Variants in MOV10L1 observed in about 807,000 individuals in gnomAD.
The protein encoded by MOV10L1 is RNA helicase Mov10l1.
A neutral mutation model predicts 143.8 loss-of-function variants in MOV10L1; 110 were observed. The observed-to-expected ratio is 0.76, with a 90% CI of 0.66 to 0.90. The LOEUF is 0.90. Ranked by LOEUF, MOV10L1 falls within the 40% of genes least tolerant of loss-of-function variation. The pLI, the probability that MOV10L1 is intolerant of heterozygous loss-of-function variation, is 0.00. For missense variants in MOV10L1, 1,406 were observed against 1,526.8 expected, an observed-to-expected ratio of 0.92 and a Z score of 1.32; for synonymous variants, 593 against 581.1, an observed-to-expected ratio of 1.02 and a Z score of -0.29.
At chr22:50,090,587 G>A (rs1335842803) in intron 1 of MOV10L1, 20 of 1,530,886 alleles carry the variant, frequency 1.3e-5, no homozygotes, top group South Asian at 2.4e-5. Context: ...GCGCCAAGGC[G>A]TGCCATTTCC....
At chr22:50,121,885 T>C (rs2062357184) in intron 10 of MOV10L1, among the ~76,000 whole-genome samples, 1 of 152,230 alleles carries the variant, frequency 6.6e-6, no homozygotes, top group South Asian at 2.1e-4. Context: ...TTTGGCAGAA[T>C]TTATTTTGCT....
Position 50,125,553 on chromosome 22 carries a change from G to T in MOV10L1, c.1731G>T (p.Arg577Ser), listed in dbSNP as rs1213146887. ...AGGTCCCAGGGTTGGCCGAAGGGAG[G>T]CCTTCTCTCTACGCAGGTGTGTTTG... ...VLEVPGLAEG[R>S]PSLYAGDKLI... The change falls in exon 11 of 27, where the codon AGG becomes AGT. Residue 577 changes from arginine (R) to serine (S), a missense_variant. Around this residue, in one of 3 missense-constraint regions of MOV10L1, gnomAD observed 1,233 missense variants for 1,351.4 expected, o/e 0.91. Transcript: ENST00000262794. The T allele has an allele frequency of 5.0e-6, 8 of 1,614,002 alleles. No individual in the cohort carries two copies. The South Asian group carries it at 7.7e-5, about 16-fold the overall frequency.
chr22:50,108,299 CA>C (rs2061928743), intron 4 of MOV10L1, 51 bp downstream of exon 4: 30 of 1,513,704 alleles, frequency 2.0e-5, no homozygotes, highest in Non-Finnish European at 2.5e-5. Context: ...GACCTGCCAT[CA>C]GGGGTAACTT....
chr22:50,105,194 T>C (rs2061838399), intron 3 of MOV10L1, among the ~76,000 whole-genome samples: 1 of 152,236 alleles, frequency 6.6e-6, no homozygotes, highest in African/African-American at 2.4e-5. Flanking sequence ...AATTCTGTAT[T>C]TTTTTCTATT....
At chr22:50,111,046 C>G (rs1415554646) in intron 5 of MOV10L1, among the ~76,000 whole-genome samples, 1 of 152,178 alleles carries the variant, frequency 6.6e-6, no homozygotes, top group East Asian at 1.9e-4. Context: ...CTGACCCACC[C>G]CCTCCCTGCC....
At chr22:50,150,662 A>T (rs2063273731) in intron 20 of MOV10L1, 73 bp from the exon 21 acceptor site, 3 of 1,544,586 alleles carry the variant, frequency 1.9e-6, no homozygotes, top group South Asian at 2.4e-5. Context: ...GCACAGCCCC[A>T]TTCCCACCTG....
Position 50,090,307 on chromosome 22 carries a change from T to G in MOV10L1, c.97+122T>G, listed in dbSNP as rs996943197. On this transcript the variant is annotated intron_variant, in intron 1 of 26. Coordinates refer to ENST00000262794, the MANE Select transcript of MOV10L1 (RefSeq NM_018995.3). ...GGCAGGCAACGCTGGGCCCGGCCTT[T>G]CCTCATCTCCGCTGGCGGGGATCCC... 17 of 1,459,404 alleles carry G rather than the reference T, an allele frequency of 1.2e-5. No individual in the cohort carries two copies. In the East Asian group the frequency reaches 2.2e-4, roughly 19 times the overall value. 90.4% of individuals were successfully genotyped at this position (1,459,404 alleles called of 1,614,324 possible).
intron 6 of MOV10L1, 78 bp downstream of exon 6, chr22:50,113,866 C>G (rs572639226): frequency 4.0e-6 from 5 of 1,258,188 alleles, no homozygotes; most frequent in Non-Finnish European, 5.2e-6. Context: ...TTCTGTAAAA[C>G]CAACTTTACT....
In MOV10L1 at chr22:50,159,653, G is replaced by T; in HGVS notation, c.3217-25G>T. 1 of 1,420,494 alleles carries T rather than the reference G, an allele frequency of 7.0e-7. No individual in the cohort carries two copies. The allele number at this position is 1,420,494 out of a possible 1,614,324, so 88.0% of individuals were successfully genotyped here. A position where few individuals can be genotyped will look rare whatever the true frequency, so the allele number is the denominator to read the frequency against. On this transcript the variant is annotated intron_variant, in intron 23 of 26. Transcript: ENST00000262794. This position sits in a 1 kb window ranked among gnomAD's most constrained non-coding sequence, Gnocchi z 4.1. ...ATGGATTTGTACAGTGTTATCTTTA[G>T]TCTTTCTTTTAATCTGTTCTCAAGG... is the stretch of plus-strand genomic sequence containing the variant.
intron 11 of MOV10L1, among the ~76,000 whole-genome samples, chr22:50,125,936 C>G (rs1386083067): frequency 1.3e-5 from 2 of 150,218 alleles, no homozygotes; most frequent in African/African-American, 4.9e-5. Context: ...TACAGGCGCC[C>G]GCCACCACAC....
Position 50,150,727 on chromosome 22 carries a change from G to C in MOV10L1, c.2728-8G>C, listed in dbSNP as rs771249129. 1.2e-6 allele frequency: 2 copies of C among 1,613,354 alleles called. No homozygotes were observed. Among genetic ancestry groups the C allele is most frequent in the Admixed American group, 3.3e-5 (2 of 59,968 alleles). ...CTGCATGAGCTGAGACGGGCCCTCT[G>C]TGTGCAGATCGTGCTGGCAGGAGAC... On this transcript the variant is annotated splice_polypyrimidine_tract_variant and splice_region_variant and intron_variant, in intron 20 of 26. Transcript: ENST00000262794.
rs773244424 is a variant in MOV10L1 at position 50,150,825 on chromosome 22, C to G, written c.2818C>G (p.Arg940Gly). Reference sequence around the variant, plus strand: ...TGGGCTGAACGTGTCCTTTTTGGAACGGCTGATGTCTCGACCCGCGTACCA... The same window carrying G: ...TGGGCTGAACGTGTCCTTTTTGGAAGGGCTGATGTCTCGACCCGCGTACCA... ...AYGLNVSFLE[R>G]LMSRPAYQRD... Residue 940 changes from arginine to glycine, a missense_variant, in exon 21 of 27, where the codon CGG (arginine) becomes GGG (glycine). Physicochemically the swap from Arg to Gly is moderately radical, Grantham distance 125 (BLOSUM62 -2). Coordinates refer to ENST00000262794, the MANE Select transcript of MOV10L1 (RefSeq NM_018995.3). The G allele has an allele frequency of 1.2e-6, 2 of 1,614,198 alleles. No individual in the cohort carries two copies. The highest frequency in any genetic ancestry group is 1.7e-6 in the Non-Finnish European group (2 of 1,180,034).
intron 22 of MOV10L1, among the ~76,000 whole-genome samples, chr22:50,155,745 A>AT (rs763121975): frequency 6.6e-6 from 1 of 152,162 alleles, no homozygotes; most frequent in Non-Finnish European, 1.5e-5. Context: ...AAGTACTGGG[A>AT]TTACAGGCGT....
At chr22:50,105,455 C>T (rs1892763747) in intron 3 of MOV10L1, among the ~76,000 whole-genome samples, 1 of 152,120 alleles carries the variant, frequency 6.6e-6, no homozygotes, top group African/African-American at 2.4e-5. Context: ...TTCTCAAGTC[C>T]AGTCTTAGAA....
intron 5 of MOV10L1, among the ~76,000 whole-genome samples, 180 bp from the exon 6 acceptor site, chr22:50,113,468 G>A (rs1167959104): frequency 2.0e-5 from 3 of 152,168 alleles, no homozygotes; most frequent in Non-Finnish European, 4.4e-5. Context: ...TTTATGAAGT[G>A]CATCGTTCTC....
chr22:50,124,841 G>C (rs2062449232), intron 10 of MOV10L1, among the ~76,000 whole-genome samples: 1 of 152,212 alleles, frequency 6.6e-6, no homozygotes, highest in Non-Finnish European at 1.5e-5. Context: ...TGGGGCCTAG[G>C]AGCTCTGTTC....
At chr22:50,131,619 G>C (rs774855654) in intron 13 of MOV10L1, among the ~76,000 whole-genome samples, 3 of 152,006 alleles carry the variant, frequency 2.0e-5, no homozygotes, top group Non-Finnish European at 2.9e-5. Flanking sequence ...ATTGTTTGTG[G>C]GGTATGAATG....
intron 15 of MOV10L1, among the ~76,000 whole-genome samples, chr22:50,135,797 G>C (rs117184474): frequency 0.012 from 1,829 of 148,966 alleles, 28 homozygotes; most frequent in East Asian, 0.045. Flanking sequence ...TCCATAAATA[G>C]TAATATAGTG....
rs1271026193 is a variant in MOV10L1 at position 50,113,734 on chromosome 22, C to T, written c.830C>T (p.Thr277Met). Reference protein sequence around the residue: ...NKGDIEVTQVTHFGTLKEGRS... With the variant: ...NKGDIEVTQVMHFGTLKEGRS... ...GGTGATATTGAAGTTACACAGGTGA[C>T]GCATTTTGGAACCCTAAAGGAAGGA... The change falls in exon 6 of 27, where the codon ACG (threonine) becomes ATG (methionine). Residue 277 changes from threonine to methionine, a missense_variant. Transcript: ENST00000262794. 6 of 1,613,830 alleles carry T rather than the reference C, an allele frequency of 3.7e-6. No individual in the cohort carries two copies. Among genetic ancestry groups the T allele is most frequent in the Admixed American group, 1.7e-5 (1 of 59,954 alleles).
Sources: allele counts gnomAD v4.1 joint callset (sites outside exome capture counted in the v4.1 genomes callset), GRCh38; gene constraint gnomAD v4.1.1; regional missense constraint gnomAD v4.1.1; non-coding constraint Gnocchi (gnomAD v3.1); transcripts MANE v1.5; gene names NCBI Gene and HGNC (gene_info 2026-07-23, HGNC 2026-07-21).